The following DPP6 variants were observed in gnomAD, a reference collection of about 807,000 sequenced individuals.
The protein encoded by DPP6 is dipeptidyl peptidase like 6, also known as A-type potassium channel modulatory protein DPP6.
DPP6 carries 69 observed loss-of-function variants against 122.6 expected under a neutral mutation model. The observed-to-expected ratio is 0.56, with a 90% CI of 0.46 to 0.69. The LOEUF is 0.69. Among genes scored for constraint, DPP6 ranks in the 30% least tolerant of loss-of-function variants. DPP6 has a pLI of 0.00. For synonymous variants in DPP6, 418 were observed against 433.1 expected (o/e 0.97, Z 0.43); for missense variants, 928 against 1,116.9 (o/e 0.83, Z 2.41).
At chr7:154,066,317 C>T (rs1048552245) in intron 1 of DPP6, among the ~76,000 whole-genome samples, 1 of 152,168 alleles carries the variant, frequency 6.6e-6, no homozygotes, top group African/African-American at 2.4e-5. Context: ...GCCTTGGCCT[C>T]CCAAAGTGTT....
intron 5 of DPP6, among the ~76,000 whole-genome samples, chr7:154,615,965 G>A (rs571628557): frequency 7.2e-5 from 11 of 152,206 alleles, no homozygotes; most frequent in South Asian, 2.1e-4. Context: ...CAGGTACCTC[G>A]TACAGTGTCT....
intron 15 of DPP6, among the ~76,000 whole-genome samples, chr7:154,805,820 G>C (rs1021139951): frequency 6.6e-6 from 1 of 152,230 alleles, no homozygotes; most frequent in Non-Finnish European, 1.5e-5. Flanking sequence ...AGGTGAGGAG[G>C]GGGTGTCTGC....
At chr7:154,290,162 T>G (rs1168542414) in intron 1 of DPP6, among the ~76,000 whole-genome samples, 1 of 152,242 alleles carries the variant, frequency 6.6e-6, no homozygotes, top group Admixed American at 6.5e-5. Flanking sequence ...GTTTTGAGTC[T>G]GGAAGAGAAT....
chr7:153,934,234 A>C (rs1050794090), intron 1 of DPP6, among the ~76,000 whole-genome samples: 3 of 152,148 alleles, frequency 2.0e-5, no homozygotes, highest in African/African-American at 7.2e-5. Flanking sequence ...CTCAGCAGGC[A>C]GCAGGCAGGT....
chr7:153,832,181 T>C, the DPP6 span, among the ~76,000 whole-genome samples: 1 of 152,228 alleles, frequency 6.6e-6, no homozygotes, highest in Non-Finnish European at 1.5e-5. Context: ...TCAAAACTTA[T>C]GGTTGTAGCA....
intron 1 of DPP6, among the ~76,000 whole-genome samples, chr7:153,984,195 T>G (rs886113344): frequency 1.3e-5 from 2 of 151,880 alleles, no homozygotes; most frequent in Non-Finnish European, 2.9e-5. Context: ...TAGAAACAAT[T>G]TATCTCAATT....
Position 154,833,568 on chromosome 7 carries a change from G to A in DPP6, c.1667-20212G>A, listed in dbSNP as rs1025908052. ...GGTAGACGGTGGTGATGCTGGAGGG[G>A]ATGCTGACATTGATGCTGATGTCAT... is the stretch of plus-strand genomic sequence containing the variant. On this transcript the variant is annotated intron_variant, in intron 16 of 25. Transcript: ENST00000377770. This position sits in a 1 kb window ranked among gnomAD's most constrained non-coding sequence, Gnocchi z 4.3. Among the ~76,000 whole-genome samples the A allele has an allele frequency of 3.3e-5, 5 of 152,098 alleles. No homozygotes were observed. The highest frequency in any genetic ancestry group is 2.9e-5 in the Non-Finnish European group (2 of 68,022).
intron 7 of DPP6, among the ~76,000 whole-genome samples, chr7:154,691,755 G>T (rs1324449987): frequency 6.6e-6 from 1 of 152,090 alleles, no homozygotes; most frequent in East Asian, 1.9e-4. Flanking sequence ...GGAGGTGGAG[G>T]TGGCGGTGAG....
At chr7:154,751,606 T>C in intron 8 of DPP6, among the ~76,000 whole-genome samples, 1 of 115,690 alleles carries the variant, frequency 8.6e-6, no homozygotes, top group Non-Finnish European at 1.7e-5. Flanking sequence ...TGAGACTCTG[T>C]CTCAAAAAAA....
chr7:154,246,958 A>C (rs571465742), intron 1 of DPP6, among the ~76,000 whole-genome samples: 1 of 152,246 alleles, frequency 6.6e-6, no homozygotes, highest in Non-Finnish European at 1.5e-5. Context: ...ACCATAAAAA[A>C]ATTGATCAAT....
Position 154,300,540 on chromosome 7 carries a change from A to G in DPP6, c.244-145674A>G, listed in dbSNP as rs567469323. Among the ~76,000 whole-genome samples the G allele has an allele frequency of 5.9e-5, 9 of 152,336 alleles. No homozygotes were observed. The East Asian group carries it at 1.7e-3, about 29-fold the overall frequency. On this transcript the variant is annotated intron_variant, in intron 1 of 25. Transcript: ENST00000377770. The stretch of plus-strand genomic sequence containing the variant: ...TTAGCAGAAGCTGGAGTAGACAGAC[A>G]TGACTTGAGACGTCTTAAACTTGTT...
chr7:154,468,385 GTCAGTAA>G (rs1412570477), intron 2 of DPP6, among the ~76,000 whole-genome samples: 5 of 152,132 alleles, frequency 3.3e-5, no homozygotes, highest in Non-Finnish European at 7.4e-5. Context: ...CCAAATTTAG[GTCAGTAA>G]TGGTGCACAA....
intron 1 of DPP6, among the ~76,000 whole-genome samples, chr7:153,983,806 C>T (rs936017858): frequency 5.3e-5 from 8 of 152,050 alleles, no homozygotes; most frequent in East Asian, 1.9e-4. Flanking sequence ...GAGGGAGTTC[C>T]GTGACCCCTT....
chr7:154,314,282 C>T (rs1272965104), intron 1 of DPP6, among the ~76,000 whole-genome samples: 6 of 152,274 alleles, frequency 3.9e-5, no homozygotes, highest in East Asian at 1.9e-4. Flanking sequence ...TATAGAAACA[C>T]GGAATGCTGT....
At chr7:154,356,863 A>G (rs971435606) in intron 1 of DPP6, among the ~76,000 whole-genome samples, 4 of 152,188 alleles carry the variant, frequency 2.6e-5, no homozygotes, top group Non-Finnish European at 5.9e-5. Flanking sequence ...AGAAAGAATT[A>G]AAAAAACATG....
At position 154,171,381 on chromosome 7, in the gene DPP6, A is replaced by G. The variant is rs148300063; in HGVS notation, c.243+118318A>G. On this transcript the variant is annotated intron_variant, in intron 1 of 25. Transcript: ENST00000377770. Reference sequence around the variant, plus strand: ...ATTTAATACACGTCTCGACAACTGCATAGCCCTTTTGCTCCCTGAGCTGAG... The same window carrying G: ...ATTTAATACACGTCTCGACAACTGCGTAGCCCTTTTGCTCCCTGAGCTGAG... Among the ~76,000 whole-genome samples, 323 of 152,296 alleles carry G rather than the reference A, an allele frequency of 2.1e-3. 3 individuals carry two copies. The highest frequency in any genetic ancestry group is 7.5e-3 in the African/African-American group (311 of 41,562).
chr7:154,303,492 C>T (rs1010262811), intron 1 of DPP6, among the ~76,000 whole-genome samples: 2 of 152,022 alleles, frequency 1.3e-5, no homozygotes, highest in African/African-American at 2.4e-5. Flanking sequence ...CCTCTAAGGC[C>T]GACTCTTGCT....
At chr7:154,751,840 G>A (rs891030921) in intron 8 of DPP6, among the ~76,000 whole-genome samples, 1 of 152,064 alleles carries the variant, frequency 6.6e-6, no homozygotes, top group Non-Finnish European at 1.5e-5. Context: ...CATGGCCGGT[G>A]GGGGGTCCCT....
At chr7:154,061,191 A>G (rs567845322) in intron 1 of DPP6, among the ~76,000 whole-genome samples, 242 of 149,202 alleles carry the variant, frequency 1.6e-3, no homozygotes, top group African/African-American at 5.7e-3. Context: ...CCCAAACTGC[A>G]GTATTAGCCA....
Sources: allele counts gnomAD v4.1 joint callset (sites outside exome capture counted in the v4.1 genomes callset), GRCh38; gene constraint gnomAD v4.1.1; non-coding constraint Gnocchi (gnomAD v3.1); transcripts MANE v1.5; gene names NCBI Gene and HGNC (gene_info 2026-07-23, HGNC 2026-07-21).